CDH13: variants seen among roughly 807,000 people sequenced by gnomAD.
CDH13 encodes cadherin-13.
CDH13 carries 24 observed loss-of-function variants against 63.8 expected under a neutral mutation model. The ratio of observed to expected loss-of-function variants is 0.38; its 90% CI spans 0.27 to 0.53. The LOEUF is 0.53. Among genes scored for constraint, CDH13 ranks in the 20% least tolerant of loss-of-function variants. The probability of loss-of-function intolerance (pLI) is 0.85; values close to 1 mark genes in which losing one functional copy is unlikely to be tolerated. For missense variants in CDH13, 1,049 were observed against 903.1 expected, an observed-to-expected ratio of 1.16 and a Z score of -2.07; for synonymous variants, 503 against 355.3, an observed-to-expected ratio of 1.42 and a Z score of -4.67.
chr16:83,056,787 T>C (rs1026572168), intron 3 of CDH13, among the ~76,000 whole-genome samples: 1 of 152,044 alleles, frequency 6.6e-6, no homozygotes, highest in Non-Finnish European at 1.5e-5. Flanking sequence ...GCTGTTCTCG[T>C]GATAGTGAAT....
intron 5 of CDH13, among the ~76,000 whole-genome samples, chr16:83,232,592 C>T (rs2040035153): frequency 6.6e-6 from 1 of 151,522 alleles, no homozygotes; most frequent in Non-Finnish European, 1.5e-5. Flanking sequence ...TTCCCCCACA[C>T]ACTTTGCTCT....
At chr16:83,669,123 G>C (rs1043828785) in intron 8 of CDH13, among the ~76,000 whole-genome samples, 1 of 152,132 alleles carries the variant, frequency 6.6e-6, no homozygotes, top group African/African-American at 2.4e-5. Context: ...AATCTGAATT[G>C]ATTCCCTGAC....
chr16:82,898,352 C>G (rs1370372643), intron 2 of CDH13, among the ~76,000 whole-genome samples: 4 of 152,146 alleles, frequency 2.6e-5, no homozygotes, highest in Non-Finnish European at 5.9e-5. Flanking sequence ...TCGTGAAACC[C>G]CGTCTCTACT....
intron 1 of CDH13, among the ~76,000 whole-genome samples, chr16:82,683,803 A>T (rs751802176): frequency 1.3e-5 from 2 of 152,078 alleles, no homozygotes; most frequent in African/African-American, 2.4e-5. Flanking sequence ...TGTGGATGAT[A>T]TTTTTTCTAT....
At chr16:82,986,880 G>C (rs774635568) in intron 2 of CDH13, among the ~76,000 whole-genome samples, 1 of 152,200 alleles carries the variant, frequency 6.6e-6, no homozygotes, top group Non-Finnish European at 1.5e-5. Context: ...TATGAGTTAG[G>C]TACTTTCAAG....
chr16:83,621,273 C>G (rs1030601941), intron 8 of CDH13, among the ~76,000 whole-genome samples: 1 of 152,116 alleles, frequency 6.6e-6, no homozygotes, highest in Non-Finnish European at 1.5e-5. Context: ...ATATGACTCT[C>G]CAGTGGTCTA....
chr16:82,714,870 A>T (rs1316024716), intron 1 of CDH13, among the ~76,000 whole-genome samples: 2 of 140,200 alleles, frequency 1.4e-5, no homozygotes, highest in Non-Finnish European at 3.1e-5. Context: ...ACAGACTGCC[A>T]TCTAGAGCCT....
intron 7 of CDH13, among the ~76,000 whole-genome samples, chr16:83,543,492 A>T (rs2075329783): frequency 6.6e-6 from 1 of 152,162 alleles, no homozygotes; most frequent in African/African-American, 2.4e-5. Context: ...CCCAGTGAGA[A>T]TTCATCTCTA....
intron 6 of CDH13, chr16:83,396,706 A>G (rs1437223837): frequency 6.6e-6 from 1 of 152,156 alleles, no homozygotes; most frequent in Non-Finnish European, 1.5e-5. Context: ...TTGAAGGAGG[A>G]GAATCAGATT....
intron 3 of CDH13, among the ~76,000 whole-genome samples, chr16:83,036,576 A>G (rs1916877147): frequency 6.6e-6 from 1 of 152,150 alleles, no homozygotes; most frequent in Non-Finnish European, 1.5e-5. Context: ...CCAGAATGCC[A>G]GATTGTCAGG....
intron 6 of CDH13, among the ~76,000 whole-genome samples, chr16:83,449,975 G>T (rs2072837996): frequency 6.6e-6 from 1 of 152,136 alleles, no homozygotes; most frequent in South Asian, 2.1e-4. Context: ...TGAATCACCG[G>T]TCTTCGCTAG....
intron 1 of CDH13, among the ~76,000 whole-genome samples, chr16:82,837,831 A>G (rs1399391182): frequency 6.6e-6 from 1 of 152,218 alleles, no homozygotes; most frequent in Non-Finnish European, 1.5e-5. Flanking sequence ...AGTTCATACA[A>G]ACATGAGGCA....
chr16:82,684,766 C>T (rs940431201), intron 1 of CDH13, among the ~76,000 whole-genome samples: 1 of 152,184 alleles, frequency 6.6e-6, no homozygotes, highest in African/African-American at 2.4e-5. Flanking sequence ...GAGAATTATC[C>T]TCTGCAAACA....
intron 6 of CDH13, among the ~76,000 whole-genome samples, chr16:83,447,907 G>C (rs1231769027): frequency 6.6e-6 from 1 of 151,920 alleles, no homozygotes; most frequent in Non-Finnish European, 1.5e-5. Context: ...TTCACTCTGT[G>C]GTCTGCAGAA....
intron 5 of CDH13, among the ~76,000 whole-genome samples, chr16:83,255,232 T>C (rs568042046): frequency 2.7e-4 from 41 of 152,318 alleles, no homozygotes; most frequent in African/African-American, 9.4e-4. Context: ...TTCTCCAGCA[T>C]GGACTATGTG....
intron 1 of CDH13, among the ~76,000 whole-genome samples, chr16:82,705,992 C>A (rs1290015696): frequency 6.6e-6 from 1 of 151,654 alleles, no homozygotes; most frequent in Non-Finnish European, 1.5e-5. Context: ...GGTTATCTAC[C>A]CTTCCCCCTC....
chr16:83,509,927 C>T (rs2074517745), intron 7 of CDH13, among the ~76,000 whole-genome samples: 1 of 152,172 alleles, frequency 6.6e-6, no homozygotes, highest in South Asian at 2.1e-4. Flanking sequence ...ACCAGCTGGC[C>T]AGGTGGCAAG....
intron 1 of CDH13, among the ~76,000 whole-genome samples, chr16:82,839,411 G>C (rs780213196): frequency 6.6e-6 from 1 of 152,132 alleles, no homozygotes; most frequent in Admixed American, 6.5e-5. Flanking sequence ...CTCAATTTGC[G>C]TGTGCCATCA....
intron 4 of CDH13, chr16:83,181,035 A>G (rs892146738): frequency 2.5e-5 from 38 of 1,499,936 alleles, no homozygotes; most frequent in Non-Finnish European, 3.2e-5. Flanking sequence ...AGCACTCGGT[A>G]TTTCAAATCC....
Sources: gnomAD v4.1 joint callset for allele counts (sites outside exome capture counted in the v4.1 genomes callset) on GRCh38, gnomAD v4.1.1 for gene constraint, MANE v1.5 for transcripts, NCBI Gene and HGNC (gene_info 2026-07-23, HGNC 2026-07-21) for gene names.